Variants in WDR26 observed in about 807,000 individuals in gnomAD.
WDR26 encodes the protein WD repeat-containing protein 26.
In WDR26, 5 loss-of-function variants were observed where a neutral mutation model predicts 84.1. The ratio of observed to expected loss-of-function variants is 0.06; its 90% CI spans 0.03 to 0.13. The LOEUF is 0.13. WDR26 is among the 10% of genes least tolerant of loss of function. WDR26 has a pLI of 1.00. For missense variants in WDR26, 642 were observed against 974.9 expected, an observed-to-expected ratio of 0.66 and a Z score of 4.55; for synonymous variants, 415 against 389.6, an observed-to-expected ratio of 1.07 and a Z score of -0.77.
rs967338574 is a variant in WDR26, at chr1:224,388,209, C to T, written c.*1626G>A. On this transcript the variant is annotated 3_prime_UTR_variant, in exon 14 of 14. Transcript: ENST00000414423. ...ATTTTTGACATCCAAGCCCTCTTCT[C>T]TTTGTGGATTCTGGAGTCTATTCAT... The T allele has an allele frequency of 6.6e-6, 1 of 152,184 alleles. No homozygotes were observed. Among genetic ancestry groups the T allele is most frequent in the African/African-American group, 2.4e-5 (1 of 41,440 alleles). The allele number at this position is 152,184 out of a possible 1,614,324, so 9.4% of individuals were successfully genotyped here.
In WDR26 at chr1:224,388,212, T is replaced by G. The variant is rs190965114; in HGVS notation, c.*1623A>C. On this transcript the variant is annotated 3_prime_UTR_variant, in exon 14 of 14. Coordinates refer to ENST00000414423, the MANE Select transcript of WDR26 (RefSeq NM_001379403.1). The stretch of plus-strand genomic sequence containing the variant: ...TTTGACATCCAAGCCCTCTTCTCTT[T>G]GTGGATTCTGGAGTCTATTCATGAT... The G allele has an allele frequency of 5.3e-5, 8 of 152,374 alleles. No individual in the cohort carries two copies. The East Asian group carries it at 1.5e-3, about 29-fold the overall frequency. 9.4% of individuals were successfully genotyped at this position (152,374 alleles called of 1,614,324 possible). A position where few individuals can be genotyped will look rare whatever the true frequency, so the allele number is the denominator to read the frequency against.
Position 224,431,907 on chromosome 1 carries a change from G to A in WDR26, c.723-126C>T, listed in dbSNP as rs555088767. ...TAGCCTCATGATGAAGAAAAAAATAGCTTTCATGTGCCTGGTTAAACAAAC... is the reference window on the plus strand; with the variant it reads ...TAGCCTCATGATGAAGAAAAAAATAACTTTCATGTGCCTGGTTAAACAAAC... On this transcript the variant is annotated intron_variant, in intron 1 of 13. Coordinates refer to ENST00000414423, the MANE Select transcript of WDR26 (RefSeq NM_001379403.1). 6.1e-6 allele frequency: 4 copies of A among 652,448 alleles called. No homozygotes were observed. The East Asian group carries it at 9.1e-5, about 15-fold the overall frequency. The allele number at this position is 652,448 out of a possible 1,614,324, so 40.4% of individuals were successfully genotyped here.
intron 4 of WDR26, among the ~76,000 whole-genome samples, chr1:224,420,456 T>C (rs1260643093): frequency 6.6e-6 from 1 of 152,182 alleles, no homozygotes; most frequent in African/African-American, 2.4e-5. Flanking sequence ...GACAAATCTG[T>C]TTCTCTCACT....
At chr1:224,413,623 A>T (rs1370579191) in intron 6 of WDR26, among the ~76,000 whole-genome samples, 1 of 152,232 alleles carries the variant, frequency 6.6e-6, no homozygotes, top group African/African-American at 2.4e-5. Context: ...AAGAGGACAA[A>T]TAATTTACCA....
intron 3 of WDR26, among the ~76,000 whole-genome samples, chr1:224,427,301 GTTTT>G (rs1674258735): frequency 6.6e-6 from 1 of 151,860 alleles, no homozygotes; most frequent in African/African-American, 2.4e-5. Flanking sequence ...TTCAGGGCAA[GTTTT>G]TTATTTACTT....
chr1:224,425,188 G>A (rs1290824969), intron 3 of WDR26, among the ~76,000 whole-genome samples: 1 of 152,184 alleles, frequency 6.6e-6, no homozygotes, highest in Non-Finnish European at 1.5e-5. Context: ...AGTATATTTT[G>A]GCTTATCAAA....
intron 4 of WDR26, among the ~76,000 whole-genome samples, chr1:224,422,872 T>C (rs1469296501): frequency 1.3e-5 from 2 of 152,196 alleles, no homozygotes; most frequent in East Asian, 3.8e-4. Flanking sequence ...AGGCCATACA[T>C]GTCAAAGTTA....
intron 4 of WDR26, 32 bp from the exon 5 acceptor site, chr1:224,419,647 T>C: frequency 5.9e-6 from 9 of 1,514,248 alleles, no homozygotes; most frequent in Non-Finnish European, 8.3e-6. Context: ...CAACCAATAT[T>C]AAACCCATTT....
intron 4 of WDR26, among the ~76,000 whole-genome samples, chr1:224,420,017 T>G (rs1195175027): frequency 6.6e-6 from 1 of 152,178 alleles, no homozygotes. Context: ...AGAGGCTAAG[T>G]AGGTATATAA....
chr1:224,397,301 A>C (rs1231849013), intron 12 of WDR26, among the ~76,000 whole-genome samples: 1 of 152,184 alleles, frequency 6.6e-6, no homozygotes, highest in Non-Finnish European at 1.5e-5. Context: ...AAAAAAAGTG[A>C]CTTAAATAAT....
intron 12 of WDR26, among the ~76,000 whole-genome samples, chr1:224,395,763 A>G (rs916227319): frequency 6.6e-6 from 1 of 152,206 alleles, no homozygotes; most frequent in Non-Finnish European, 1.5e-5. Context: ...CAAGGAGCAC[A>G]TTTGGTGAAA....
chr1:224,398,636 T>G, intron 10 of WDR26, 43 bp from the exon 11 acceptor site: 1 of 1,509,900 alleles, frequency 6.6e-7, no homozygotes, highest in Non-Finnish European at 9.1e-7. Flanking sequence ...ATATTAACAG[T>G]CAAGACATTC....
chr1:224,426,441 C>A (rs535997669), intron 3 of WDR26, among the ~76,000 whole-genome samples: 6 of 151,810 alleles, frequency 4.0e-5, no homozygotes, highest in Non-Finnish European at 8.8e-5. Flanking sequence ...GGCTAAGGAA[C>A]AGAAAAAAAT....
At position 224,427,103 on chromosome 1, in the gene WDR26, CCAAAA is replaced by C. The variant is rs1223216596; in HGVS notation, c.928-2454_928-2450del. ...GGGCAACGAGAGCAAAACTCTGTCTCCAAAAAAAAAAAAAAAAAAAAAAAGTTTCA... is the reference window on the plus strand; with the variant it reads ...GGGCAACGAGAGCAAAACTCTGTCTCAAAAAAAAAAAAAAAAAAAGTTTCA... On this transcript the variant is annotated intron_variant, in intron 3 of 13. Transcript: ENST00000414423. 4.1e-4 allele frequency among the ~76,000 whole-genome samples: 37 copies of C among 91,164 alleles called. 2 individuals carry two copies. The highest frequency in any genetic ancestry group is 6.7e-3 in the Middle Eastern group (1 of 150). 59.8% of individuals were successfully genotyped at this position (91,164 alleles called of 152,430 possible). A position where few individuals can be genotyped will look rare whatever the true frequency, so the allele number is the denominator to read the frequency against.
intron 7 of WDR26, among the ~76,000 whole-genome samples, chr1:224,409,858 G>A (rs1479675388): frequency 6.7e-6 from 1 of 150,064 alleles, no homozygotes; most frequent in Non-Finnish European, 1.5e-5. Context: ...GTGAGATACT[G>A]TCTCAGAGAA....
Position 224,434,030 on chromosome 1 carries a change from G to T in WDR26, c.376C>A (p.Gln126Lys). 6.8e-7 allele frequency: 1 copy of T among 1,471,652 alleles called. No individual in the cohort carries two copies. Among genetic ancestry groups the T allele is most frequent in the South Asian group, 1.3e-5 (1 of 74,402 alleles). 91.2% of individuals were successfully genotyped at this position (1,471,652 alleles called of 1,614,324 possible). ...CAGGCGAGTTCCGGGGTCTGTCCCT[G>T]GCCCCCGCCGCCCCCTCCTCCTCCA... Residue 126 changes from glutamine to lysine, a missense_variant, in exon 1 of 14, where the codon CAG becomes AAG. Gln to Lys is a moderately conservative substitution (Grantham distance 53). This residue lies in a region of WDR26 where 291 missense variants were observed against 302.1 expected (regional missense o/e 0.96). Coordinates refer to ENST00000414423, the MANE Select transcript of WDR26 (RefSeq NM_001379403.1).
chr1:224,434,304 C>T lies in WDR26; in HGVS notation c.102G>A (p.Ser34=). The change falls in exon 1 of 14, where the codon TCG becomes TCA. Residue 34 remains serine, a synonymous_variant. Coordinates refer to ENST00000414423, the MANE Select transcript of WDR26 (RefSeq NM_001379403.1). ...CGGGCTCTCCTACTCCCTCCGCCGC[C>T]GAGGCTCGGGGTTTCTTCCGCGGGG... 8.1e-7 allele frequency: 1 copy of T among 1,233,216 alleles called. No individual in the cohort carries two copies. The highest frequency in any genetic ancestry group is 1.0e-6 in the Non-Finnish European group (1 of 989,096). The allele number at this position is 1,233,216 out of a possible 1,614,324, so 76.4% of individuals were successfully genotyped here.
intron 6 of WDR26, among the ~76,000 whole-genome samples, chr1:224,417,808 GAA>G (rs1408491992): frequency 1.3e-5 from 2 of 152,188 alleles, no homozygotes; most frequent in Non-Finnish European, 2.9e-5. Flanking sequence ...TGTCGAAAGA[GAA>G]GCCTGAATTC....
chr1:224,433,620 C>G, intron 1 of WDR26, 64 bp downstream of exon 1: 1 of 1,177,778 alleles, frequency 8.5e-7, no homozygotes, highest in Non-Finnish European at 1.1e-6. Context: ...GCCCCTTCCC[C>G]TACCCCCCTG....
Sources: gnomAD v4.1 joint callset for allele counts (sites outside exome capture counted in the v4.1 genomes callset) on GRCh38, gnomAD v4.1.1 for gene constraint, gnomAD v4.1.1 regional missense constraint, MANE v1.5 for transcripts, NCBI Gene and HGNC (gene_info 2026-07-23, HGNC 2026-07-21) for gene names.